The following CSNK2A1 variants were observed in gnomAD, a reference collection of about 807,000 sequenced individuals.
CSNK2A1 encodes the protein casein kinase II subunit alpha.
Under a neutral mutation model 62.9 loss-of-function variants are expected in CSNK2A1, and 10 were observed. The ratio of observed to expected loss-of-function variants is 0.16; its 90% CI spans 0.10 to 0.27. The LOEUF is 0.27. Among genes scored for constraint, CSNK2A1 ranks in the 10% least tolerant of loss-of-function variants. The pLI is 1.00. For missense variants in CSNK2A1, 160 were observed against 492.0 expected (o/e 0.33, Z 6.38); for synonymous variants, 124 against 167.8 (o/e 0.74, Z 2.02).
intron 3 of CSNK2A1, chr20:507,575 A>G (rs533589292): frequency 6.6e-6 from 1 of 152,324 alleles, no homozygotes; most frequent in African/African-American, 2.4e-5. Context: ...GCAGACTACA[A>G]CTGTTCAAGA....
chr20:492,181 A>C, intron 9 of CSNK2A1, 73 bp downstream of exon 9: 1 of 1,219,176 alleles, frequency 8.2e-7, no homozygotes. Context: ...ACAAAATGAT[A>C]CTTTTTTTTT....
intron 2 of CSNK2A1, chr20:526,676 C>T (rs185598479): frequency 1.1e-4 from 16 of 151,220 alleles, no homozygotes; most frequent in African/African-American, 3.9e-4. Flanking sequence ...AAAAGAAGGG[C>T]CAGGTGTGAT....
intron 2 of CSNK2A1, among the ~76,000 whole-genome samples, chr20:522,379 A>T (rs1304797436): frequency 6.6e-6 from 1 of 152,244 alleles, no homozygotes; most frequent in African/African-American, 2.4e-5. Context: ...ATGTGATGAG[A>T]AGGGCACTTC....
chr20:486,330 A>T, intron 13 of CSNK2A1, 46 bp downstream of exon 13: 7 of 1,606,726 alleles, frequency 4.4e-6, no homozygotes, highest in Non-Finnish European at 6.0e-6. Context: ...TAAGAACAGT[A>T]ATTGACTTCC....
chr20:518,671 C>T (rs973119793), intron 2 of CSNK2A1, among the ~76,000 whole-genome samples: 3 of 150,920 alleles, frequency 2.0e-5, no homozygotes, highest in Non-Finnish European at 4.4e-5. Context: ...CTCAGCCTCC[C>T]GAGTAGCTGG....
intron 6 of CSNK2A1, 148 bp from the exon 7 acceptor site, chr20:497,928 C>T: frequency 1.6e-6 from 1 of 628,674 alleles, no homozygotes; most frequent in East Asian, 2.8e-5. Context: ...TCCAACATTA[C>T]ATTAACTTTA....
intron 9 of CSNK2A1, among the ~76,000 whole-genome samples, chr20:490,836 A>C (rs1161447188): frequency 6.7e-6 from 1 of 149,764 alleles, no homozygotes; most frequent in Non-Finnish European, 1.5e-5. Context: ...TTACAGGCAT[A>C]CACCACTATG....
chr20:476,777 C>T lies in CSNK2A1; in HGVS notation c.*7184G>A, dbSNP rs2017857310. 2.0e-5 allele frequency: 3 copies of T among 152,110 alleles called. No individual in the cohort carries two copies. The highest frequency in any genetic ancestry group is 7.3e-5 in the African/African-American group (3 of 41,374). 9.4% of individuals were successfully genotyped at this position (152,110 alleles called of 1,614,324 possible). Reference sequence around the variant, plus strand: ...TTGTAGAGAGGGTTTCATCATGTTTCCCAGACCGGCCTTGAATTCCTGAGC... The same window carrying T: ...TTGTAGAGAGGGTTTCATCATGTTTTCCAGACCGGCCTTGAATTCCTGAGC... On this transcript the variant is annotated 3_prime_UTR_variant, in exon 14 of 14. Transcript: ENST00000217244.
chr20:481,371 C>T lies in CSNK2A1; in HGVS notation c.*2590G>A, dbSNP rs2017952165. On this transcript the variant is annotated 3_prime_UTR_variant, in exon 14 of 14. Coordinates refer to ENST00000217244, the MANE Select transcript of CSNK2A1 (RefSeq NM_177559.3). ...TTCATGTTGGCCATTCCATTTCCTGCCATCTAAGCAATGCAGACACAGGTA... is the reference window on the plus strand; with the variant it reads ...TTCATGTTGGCCATTCCATTTCCTGTCATCTAAGCAATGCAGACACAGGTA... 1 of 152,132 alleles carries T rather than the reference C, an allele frequency of 6.6e-6. No homozygotes were observed. The highest frequency in any genetic ancestry group is 2.1e-4 in the South Asian group (1 of 4,824). 9.4% of individuals were successfully genotyped at this position (152,132 alleles called of 1,614,324 possible).
chr20:533,330 T>C (rs1452589923), intron 1 of CSNK2A1, among the ~76,000 whole-genome samples: 2 of 152,270 alleles, frequency 1.3e-5, no homozygotes, highest in Non-Finnish European at 2.9e-5. Flanking sequence ...AAGTTACTGC[T>C]TGTGTAAACT....
intron 13 of CSNK2A1, among the ~76,000 whole-genome samples, chr20:485,091 AAAAAAAAAAAAAAAAAAAATATATATAT>A (rs2018051110): frequency 2.7e-5 from 1 of 37,324 alleles, no homozygotes; most frequent in African/African-American, 9.0e-5. Context: ...AAAAAAAAAA[AAAAAAAAAAAAAAAAAAAATATATATAT>A]ATATATATAT....
At chr20:542,524 C>A (rs949689836) in intron 1 of CSNK2A1, among the ~76,000 whole-genome samples, 6 of 152,212 alleles carry the variant, frequency 3.9e-5, no homozygotes, top group Non-Finnish European at 7.3e-5. Flanking sequence ...CCTCCGCCTC[C>A]CAGGTTCAAG....
chr20:507,401 G>A (rs1314839009), intron 3 of CSNK2A1: 1 of 152,232 alleles, frequency 6.6e-6, no homozygotes, highest in Non-Finnish European at 1.5e-5. Context: ...TACAGGAGCT[G>A]TAGCTTTAGT....
intron 2 of CSNK2A1, chr20:510,073 A>G (rs940249922): frequency 1.3e-5 from 2 of 152,304 alleles, no homozygotes; most frequent in African/African-American, 4.8e-5. Flanking sequence ...ATAAAAAACA[A>G]TATCGACAGA....
chr20:494,784 C>T (rs1192685197), intron 8 of CSNK2A1: 1 of 152,208 alleles, frequency 6.6e-6, no homozygotes, highest in Non-Finnish European at 1.5e-5. Flanking sequence ...CAGCTTTATC[C>T]TTGCTGCTGC....
At chr20:528,526 C>T (rs2019144605) in intron 1 of CSNK2A1, among the ~76,000 whole-genome samples, 1 of 152,196 alleles carries the variant, frequency 6.6e-6, no homozygotes, top group African/African-American at 2.4e-5. Flanking sequence ...AGCAATCCTC[C>T]TCCTTCAGCT....
rs1568482392 is a variant in CSNK2A1 at position 474,154 on chromosome 20, C to T, written c.*9807G>A. On this transcript the variant is annotated 3_prime_UTR_variant, in exon 14 of 14. Transcript: ENST00000217244. ...CACTGCAGCCTCCAACTCCTGGGCT[C>T]AACGTATCCTCCCACCCAGCCTCCC... The T allele has an allele frequency of 6.6e-6, 1 of 152,374 alleles. No individual in the cohort carries two copies. The allele number at this position is 152,374 out of a possible 1,614,324, so 9.4% of individuals were successfully genotyped here.
intron 4 of CSNK2A1, chr20:504,452 C>T (rs1055522626): frequency 2.0e-5 from 3 of 152,160 alleles, no homozygotes; most frequent in African/African-American, 4.8e-5. Context: ...ATATTGGTCT[C>T]CCAGAGGCCA....
In CSNK2A1 at chr20:524,677, C is replaced by T. The variant is rs576847896; in HGVS notation, c.-110+3256G>A. Among the ~76,000 whole-genome samples the T allele has an allele frequency of 6.2e-4, 80 of 128,288 alleles. 1 individual carries two copies. The highest frequency in any genetic ancestry group is 1.1e-3 in the Non-Finnish European group (70 of 64,248). 84.2% of individuals were successfully genotyped at this position (128,288 alleles called of 152,430 possible). A position where few individuals can be genotyped will look rare whatever the true frequency, so the allele number is the denominator to read the frequency against. The stretch of plus-strand genomic sequence containing the variant: ...CCTAGGAGGTGGAGGTTGCAGTGGG[C>T]ACTCCAGCATGGGTGACGGAGACTC... On this transcript the variant is annotated intron_variant, in intron 2 of 13. Coordinates refer to ENST00000217244, the MANE Select transcript of CSNK2A1 (RefSeq NM_177559.3).
Sources: gnomAD v4.1 joint callset for allele counts (sites outside exome capture counted in the v4.1 genomes callset) on GRCh38, gnomAD v4.1.1 for gene constraint, MANE v1.5 for transcripts, NCBI Gene and HGNC (gene_info 2026-07-23, HGNC 2026-07-21) for gene names.